The following CRYBG2 variants were observed in gnomAD, a reference collection of about 807,000 sequenced individuals.
The protein encoded by CRYBG2 is beta/gamma crystallin domain-containing protein 2.
A neutral mutation model predicts 153.4 loss-of-function variants in CRYBG2; 106 were observed. The ratio of observed to expected loss-of-function variants is 0.69; its 90% confidence interval spans 0.59 to 0.81. The LOEUF (loss-of-function observed/expected upper bound fraction) is 0.81. Ranked by LOEUF, CRYBG2 falls within the 30% of genes least tolerant of loss-of-function variation. The probability of loss-of-function intolerance (pLI) is 0.00; values close to 1 mark genes in which losing one functional copy is unlikely to be tolerated. For synonymous variants in CRYBG2, 851 were observed against 877.8 expected, an observed-to-expected ratio of 0.97 and a Z score of 0.54; for missense variants, 1,996 against 2,112.0, an observed-to-expected ratio of 0.95 and a Z score of 1.08.
In CRYBG2 at chr1:26,336,413, C is replaced by T. The variant is rs72649360; in HGVS notation, c.4039-43G>A. On this transcript the variant is annotated intron_variant, in intron 12 of 19. Coordinates refer to ENST00000308182, the MANE Select transcript of CRYBG2 (RefSeq NM_001039775.4). The surrounding 1 kb of genome is among the most constrained non-coding windows in gnomAD (Gnocchi z 4.9). ...ATCGAGAATTAGGGAGGGTGCCGGC[C>T]CCTAGCCTTGTCTTCTCTAGGTTTC... is the stretch of plus-strand genomic sequence containing the variant. The T allele has an allele frequency of 0.29, 467,128 of 1,606,156 alleles. 70,333 individuals carry two copies. Among genetic ancestry groups the T allele is most frequent in the Non-Finnish European group, 0.31 (368,567 of 1,176,194 alleles).
At chr1:26,342,481 C>A (rs952075150) in intron 5 of CRYBG2, among the ~76,000 whole-genome samples, 2 of 152,182 alleles carry the variant, frequency 1.3e-5, no homozygotes, top group East Asian at 3.9e-4. Flanking sequence ...CTTACTGCAA[C>A]CTCTGCCTCC....
intron 17 of CRYBG2, 42 bp downstream of exon 17, chr1:26,328,167 C>A: frequency 6.5e-7 from 1 of 1,547,370 alleles, no homozygotes; most frequent in Non-Finnish European, 8.7e-7. Context: ...TGCCCAGACA[C>A]GCTCAGCCCC....
chr1:26,336,528 C>T lies in CRYBG2; in HGVS notation c.4038+78G>A, dbSNP rs755540007. 40 of 1,543,448 alleles carry T rather than the reference C, an allele frequency of 2.6e-5. No individual in the cohort carries two copies. Among genetic ancestry groups the T allele is most frequent in the South Asian group, 6.0e-5 (5 of 83,474 alleles). On this transcript the variant is annotated intron_variant, in intron 12 of 19. Transcript: ENST00000308182. The surrounding 1 kb of genome is among the most constrained non-coding windows in gnomAD (Gnocchi z 4.9). ...CCAGGCAGGTCCTCCAGCCCGCTAC[C>T]TCTGCGTGGGGGCGGGGCGCACCCG...
At chr1:26,329,528 G>A (rs1380124099) in intron 15 of CRYBG2, among the ~76,000 whole-genome samples, 1 of 150,548 alleles carries the variant, frequency 6.6e-6, no homozygotes, top group African/African-American at 2.4e-5. Context: ...TGCCCAGGCT[G>A]GAGTGCAGTG....
chr1:26,338,572 G>GT (rs2074091326), intron 6 of CRYBG2, 95 bp from the exon 7 acceptor site: 1 of 1,353,144 alleles, frequency 7.4e-7, no homozygotes, highest in African/African-American at 1.5e-5. Context: ...GGAAAAGGAG[G>GT]TTTTCTGGGG....
intron 8 of CRYBG2, 102 bp downstream of exon 8, chr1:26,337,910 C>T: frequency 6.8e-7 from 1 of 1,470,966 alleles, no homozygotes; most frequent in Non-Finnish European, 9.2e-7. Context: ...GCTTCTGGCC[C>T]CCAGTGCCCT....
rs1482118752 is a variant in CRYBG2 at position 26,345,652 on chromosome 1, T to TG, written c.1005dup (p.Ser336GlnfsTer4). On this transcript the variant is annotated frameshift_variant, in exon 2 of 20. Coordinates refer to ENST00000308182, the MANE Select transcript of CRYBG2 (RefSeq NM_001039775.4). LOFTEE classifies it high-confidence loss of function. The stretch of plus-strand genomic sequence containing the variant: ...GTCTGGAGAGGGAGCTCAGTGGAAC[T>TG]GGGGGCTCCCAGCACCTGCCAGAGC... 6.3e-7 allele frequency: 1 copy of TG among 1,598,692 alleles called. No homozygotes were observed. Among genetic ancestry groups the TG allele is most frequent in the African/African-American group, 1.3e-5 (1 of 74,896 alleles).
intron 5 of CRYBG2, 53 bp downstream of exon 5, chr1:26,342,701 G>C: frequency 6.3e-7 from 1 of 1,592,042 alleles, no homozygotes; most frequent in South Asian, 1.1e-5. Context: ...TCCTGGCCTC[G>C]GGGATTTCAA....
chr1:26,348,453 C>G (rs1428371142), intron 1 of CRYBG2, among the ~76,000 whole-genome samples: 1 of 152,080 alleles, frequency 6.6e-6, no homozygotes, highest in African/African-American at 2.4e-5. Flanking sequence ...CCTAGCTACC[C>G]TGGAGGCTGA....
chr1:26,347,437 G>T (rs1305767024), intron 1 of CRYBG2, among the ~76,000 whole-genome samples: 1 of 151,268 alleles, frequency 6.6e-6, no homozygotes, highest in Non-Finnish European at 1.5e-5. Flanking sequence ...GGGACTACAG[G>T]CACACGCCGC....
chr1:26,346,469 C>T lies in CRYBG2; in HGVS notation c.189G>A (p.Val63=), dbSNP rs2074222625. 1 of 1,608,878 alleles carries T rather than the reference C, an allele frequency of 6.2e-7. No homozygotes were observed. Among genetic ancestry groups the T allele is most frequent in the Middle Eastern group, 1.7e-4 (1 of 6,058 alleles). ...CCTGTGTTGCAAAGCCATTGACTTC[C>T]ACTTCCTCTCGACGGCTGAACTCAA... ...EMFEFSRREE[V]EVNGFATQEE... is the part of the protein sequence containing the mutation. Residue 63 remains valine, a synonymous_variant, in exon 2 of 20, where the codon GTG becomes GTA. Transcript: ENST00000308182. The surrounding 1 kb of genome is among the most constrained non-coding windows in gnomAD (Gnocchi z 4.9).
At chr1:26,351,906 G>T (rs2074291207) in intron 1 of CRYBG2, among the ~76,000 whole-genome samples, 1 of 152,118 alleles carries the variant, frequency 6.6e-6, no homozygotes, top group Admixed American at 6.6e-5. Flanking sequence ...AATGACCCAG[G>T]ATGCCTCTCC....
intron 6 of CRYBG2, among the ~76,000 whole-genome samples, chr1:26,338,798 C>G (rs565362976): frequency 1.6e-4 from 25 of 152,302 alleles, no homozygotes; most frequent in Admixed American, 7.2e-4. Flanking sequence ...TCTCCCTGGG[C>G]CTCAGTTCTT....
Position 26,345,667 on chromosome 1 carries a change from C to T in CRYBG2, c.991G>A (p.Val331Met), listed in dbSNP as rs755270063. 8.8e-6 allele frequency: 14 copies of T among 1,598,578 alleles called. No homozygotes were observed. The highest frequency in any genetic ancestry group is 3.3e-4 in the Middle Eastern group (2 of 6,082). Residue 331 changes from valine (V) to methionine (M), a missense_variant, in exon 2 of 20, where the codon GTG becomes ATG. Val to Met is a conservative substitution (Grantham distance 21). Transcript: ENST00000308182. ...TCAGTGGAACTGGGGGCTCCCAGCA[C>T]CTGCCAGAGCTCACAGGCCCTGGCA... ...PDARACELWQVLGAPSSTELP... is the reference protein window; with the variant it reads ...PDARACELWQMLGAPSSTELP...
At chr1:26,326,771 A>G in intron 17 of CRYBG2, 1 of 487,096 alleles carries the variant, frequency 2.1e-6, no homozygotes, top group Non-Finnish European at 4.1e-6. Flanking sequence ...CCCTCGTAAT[A>G]GAATTGTTGA....
rs1229425127 is a variant in CRYBG2 at position 26,343,246 on chromosome 1, C to A, written c.2961G>T (p.Lys987Asn). Residue 987 changes from lysine to asparagine, a missense_variant and splice_region_variant, in exon 3 of 20, where the codon AAG becomes AAT. Coordinates refer to ENST00000308182, the MANE Select transcript of CRYBG2 (RefSeq NM_001039775.4). This position sits in a 1 kb window ranked among gnomAD's most constrained non-coding sequence, Gnocchi z 4.1. The stretch of plus-strand genomic sequence containing the variant: ...CACCCACTTGCCCCCACAACCCTAC[C>A]TTTCCAGGCCTGGTGTTCAGCTTGC... ...TQGKLNTRPG[K>N]VIFFSESGCQ... The A allele has an allele frequency of 1.4e-5, 21 of 1,550,494 alleles. No individual in the cohort carries two copies. Among genetic ancestry groups the A allele is most frequent in the Non-Finnish European group, 1.8e-5 (21 of 1,146,960 alleles).
Position 26,351,894 on chromosome 1 carries a change from A to G in CRYBG2, c.-56+2142T>C, listed in dbSNP as rs1011287812. ...CCTTGCTCTGAAGACATACCCCAAT[A>G]CAATGACCCAGGATGCCTCTCCTGG... On this transcript the variant is annotated intron_variant, in intron 1 of 19. Transcript: ENST00000308182. Among the ~76,000 whole-genome samples, 16 of 152,082 alleles carry G rather than the reference A, an allele frequency of 1.1e-4. 1 individual carries two copies. Among genetic ancestry groups the G allele is most frequent in the Admixed American group, 7.2e-4 (11 of 15,260 alleles).
rs560483514 is a variant in CRYBG2, at chr1:26,341,029, T to C, written c.3205-1600A>G. Among the ~76,000 whole-genome samples the C allele has an allele frequency of 7.6e-4, 115 of 152,220 alleles. 1 individual carries two copies. Among genetic ancestry groups the C allele is most frequent in the South Asian group, 1.7e-3 (8 of 4,814 alleles). ...ATTGCAACAGCTCTGGACTCAGTTATTCATTCTTTCATTAGAAACGAAAAT... is the reference window on the plus strand; with the variant it reads ...ATTGCAACAGCTCTGGACTCAGTTACTCATTCTTTCATTAGAAACGAAAAT... On this transcript the variant is annotated intron_variant, in intron 5 of 19. Coordinates refer to ENST00000308182, the MANE Select transcript of CRYBG2 (RefSeq NM_001039775.4).
intron 15 of CRYBG2, 91 bp from the exon 16 acceptor site, chr1:26,328,964 T>G: frequency 6.6e-7 from 1 of 1,519,994 alleles, no homozygotes; most frequent in Non-Finnish European, 9.0e-7. Context: ...CTCCCAGATC[T>G]GTATGTCAGG....
Sources: gnomAD v4.1 joint callset for allele counts (sites outside exome capture counted in the v4.1 genomes callset) on GRCh38, gnomAD v4.1.1 for gene constraint, Gnocchi (gnomAD v3.1) non-coding constraint, MANE v1.5 for transcripts, NCBI Gene and HGNC (gene_info 2026-07-23, HGNC 2026-07-21) for gene names.